Variants in SETD7 observed in about 807,000 individuals in gnomAD.
SETD7 encodes SET domain containing 7, histone lysine methyltransferase, also known as histone-lysine N-methyltransferase SETD7.
Under a neutral mutation model 41.8 loss-of-function variants are expected in SETD7, and 16 were observed. The ratio of observed to expected loss-of-function variants is 0.38; its 90% CI spans 0.26 to 0.58. The LOEUF (loss-of-function observed/expected upper bound fraction) is 0.58, where lower values mean the gene tolerates loss of function less well. Among genes scored for constraint, SETD7 ranks in the 20% least tolerant of loss-of-function variants. The probability of loss-of-function intolerance (pLI) is 0.64; values close to 1 mark genes in which losing one functional copy is unlikely to be tolerated. For missense variants in SETD7, 346 were observed against 459.7 expected (o/e 0.75, Z 2.26); for synonymous variants, 163 against 169.7 (o/e 0.96, Z 0.31).
chr4:139,542,831 A>C (rs1399694475), intron 2 of SETD7, among the ~76,000 whole-genome samples: 1 of 152,330 alleles, frequency 6.6e-6, no homozygotes, highest in Non-Finnish European at 1.5e-5. Flanking sequence ...ATTCTTATTC[A>C]GATTTATCTC....
chr4:139,537,020 G>C (rs1727657982), intron 2 of SETD7, among the ~76,000 whole-genome samples: 1 of 152,110 alleles, frequency 6.6e-6, no homozygotes, highest in South Asian at 2.1e-4. Flanking sequence ...TTGTTGCCCA[G>C]GCTGGAGTGC....
Position 139,510,939 on chromosome 4 carries a change from C to T in SETD7, c.*724G>A, listed in dbSNP as rs1298447606. 1 of 152,526 alleles carries T rather than the reference C, an allele frequency of 6.6e-6. No homozygotes were observed. The highest frequency in any genetic ancestry group is 6.5e-5 in the Admixed American group (1 of 15,276). The allele number at this position is 152,526 out of a possible 1,614,324, so 9.4% of individuals were successfully genotyped here. On this transcript the variant is annotated 3_prime_UTR_variant, in exon 8 of 8. Coordinates refer to ENST00000274031, the MANE Select transcript of SETD7 (RefSeq NM_030648.4). ...TTTGTTTACATGCGAGAATAATATT[C>T]TATAATAATACCCTGGCCCTATGAG...
chr4:139,496,538 A>T, intron 7 of SETD7: 1 of 701,300 alleles, frequency 1.4e-6, no homozygotes, highest in Non-Finnish European at 2.6e-6. Context: ...TTGGAGAAGC[A>T]ACTGGCTGAG....
At chr4:139,503,508 A>G (rs1351608287), downstream of SETD7, among the ~76,000 whole-genome samples, 1 of 152,106 alleles carries the variant, frequency 6.6e-6, no homozygotes, top group Non-Finnish European at 1.5e-5. Flanking sequence ...TGGTGTGGTA[A>G]CAGTACCTAT....
At chr4:139,540,228 T>C (rs1243247213) in intron 2 of SETD7, among the ~76,000 whole-genome samples, 1 of 152,176 alleles carries the variant, frequency 6.6e-6, no homozygotes, top group Non-Finnish European at 1.5e-5. Flanking sequence ...GGAGGCCAAA[T>C]AGCTAGAACA....
intron 1 of SETD7, among the ~76,000 whole-genome samples, chr4:139,549,273 T>C (rs1460389835): frequency 2.0e-5 from 3 of 152,234 alleles, no homozygotes; most frequent in African/African-American, 4.8e-5. Context: ...CCACTTTAGA[T>C]TGAGAGAATT....
chr4:139,547,477 ATAG>A (rs1727996736), intron 1 of SETD7, among the ~76,000 whole-genome samples: 2 of 152,214 alleles, frequency 1.3e-5, no homozygotes, highest in Non-Finnish European at 2.9e-5. Context: ...CCACTGTTTT[ATAG>A]TCAATTGCCA....
At chr4:139,530,543 T>C (rs962859529) in intron 3 of SETD7, among the ~76,000 whole-genome samples, 10 of 152,234 alleles carry the variant, frequency 6.6e-5, no homozygotes, top group Non-Finnish European at 1.5e-4. Flanking sequence ...ATGGAGATGA[T>C]ACTTCCTGCA....
chr4:139,510,254 G>GCTA lies in SETD7; in HGVS notation c.*1408_*1409insTAG, dbSNP rs1726833465. On this transcript the variant is annotated 3_prime_UTR_variant, in exon 8 of 8. Coordinates refer to ENST00000274031, the MANE Select transcript of SETD7 (RefSeq NM_030648.4). ...CTGACAGCTACAGATCAGCACAACA[G>GCTA]CTGCTCTCCAGTCCTTCCAGCCGCT... is the stretch of plus-strand genomic sequence containing the variant. The GCTA allele has an allele frequency of 6.3e-4, 5 of 7,954 alleles. No individual in the cohort carries two copies. 0.5% of individuals were successfully genotyped at this position (7,954 alleles called of 1,614,324 possible).
chr4:139,555,148 G>A lies in SETD7; in HGVS notation c.40+950C>T, dbSNP rs1425894886. 7.1e-6 allele frequency among the ~76,000 whole-genome samples: 1 copy of A among 141,064 alleles called. No individual in the cohort carries two copies. The highest frequency in any genetic ancestry group is 2.7e-5 in the African/African-American group (1 of 37,006). 92.5% of individuals were successfully genotyped at this position (141,064 alleles called of 152,430 possible). ...ATCCTATGATACAAACAACGAGATT[G>A]TATAACGTCCCCACATCGTTTTTTC... On this transcript the variant is annotated intron_variant, in intron 1 of 7. Coordinates refer to ENST00000274031, the MANE Select transcript of SETD7 (RefSeq NM_030648.4). The surrounding 1 kb of genome is among the most constrained non-coding windows in gnomAD (Gnocchi z 4.0).
At chr4:139,514,923 C>T (rs964034145) in intron 7 of SETD7, among the ~76,000 whole-genome samples, 3 of 152,118 alleles carry the variant, frequency 2.0e-5, no homozygotes, top group Non-Finnish European at 4.4e-5. Flanking sequence ...CCCAGCACTT[C>T]AGGAGGCCGA....
chr4:139,498,078 G>A (rs1243274134), intron 7 of SETD7, among the ~76,000 whole-genome samples: 1 of 152,200 alleles, frequency 6.6e-6, no homozygotes, highest in African/African-American at 2.4e-5. Flanking sequence ...TGCACTAAGT[G>A]ATTACTTCAT....
intron 3 of SETD7, 46 bp from the exon 4 acceptor site, chr4:139,529,266 C>A: frequency 1.3e-6 from 2 of 1,495,622 alleles, no homozygotes; most frequent in Non-Finnish European, 1.8e-6. Context: ...TATAGTATGT[C>A]TAGGACATGA....
intron 1 of SETD7, among the ~76,000 whole-genome samples, chr4:139,552,713 C>T (rs144691599): frequency 3.9e-5 from 6 of 152,264 alleles, no homozygotes; most frequent in South Asian, 2.1e-4. Context: ...TCCATGCCTC[C>T]GTGTCTTCAC....
At chr4:139,533,477 G>A in intron 2 of SETD7, 111 bp from the exon 3 acceptor site, 1 of 879,332 alleles carries the variant, frequency 1.1e-6, no homozygotes, top group Non-Finnish European at 1.8e-6. Context: ...CCCTGACATG[G>A]ATTCAGCGCA....
intron 2 of SETD7, 167 bp downstream of exon 2, chr4:139,546,753 A>G (rs1389512481): frequency 2.3e-6 from 2 of 861,718 alleles, no homozygotes; most frequent in Admixed American, 4.7e-5. Flanking sequence ...TCCCATAACC[A>G]CAGGGTGACT....
intron 3 of SETD7, 183 bp downstream of exon 3, chr4:139,532,982 G>GCCAA: frequency 1.7e-6 from 1 of 598,580 alleles, no homozygotes. Flanking sequence ...GGATTCAAGG[G>GCCAA]CCAACAATCT....
At chr4:139,531,055 T>C (rs965996738) in intron 3 of SETD7, among the ~76,000 whole-genome samples, 3 of 152,098 alleles carry the variant, frequency 2.0e-5, no homozygotes, top group African/African-American at 7.2e-5. Flanking sequence ...TTAATTTGAC[T>C]GGTGAGCAGC....
intron 1 of SETD7, among the ~76,000 whole-genome samples, chr4:139,554,782 C>T (rs1728208478): frequency 6.6e-6 from 1 of 152,218 alleles, no homozygotes; most frequent in Non-Finnish European, 1.5e-5. Context: ...TATTAGTCTG[C>T]TTAATCTCCC....
Sources: gnomAD v4.1 joint callset for allele counts (sites outside exome capture counted in the v4.1 genomes callset) on GRCh38, gnomAD v4.1.1 for gene constraint, Gnocchi (gnomAD v3.1) non-coding constraint, MANE v1.5 for transcripts, NCBI Gene and HGNC (gene_info 2026-07-23, HGNC 2026-07-21) for gene names.